Variants in ZBTB20 observed in about 807,000 individuals in gnomAD.
ZBTB20 encodes zinc finger and BTB domain containing 20, also known as zinc finger and BTB domain-containing protein 20.
ZBTB20 carries 9 observed loss-of-function variants against 56.9 expected under a neutral mutation model. The observed-to-expected ratio is 0.16, with a 90% confidence interval of 0.10 to 0.28. The LOEUF (loss-of-function observed/expected upper bound fraction) is 0.28, where lower values mean the gene tolerates loss of function less well. ZBTB20 is among the 10% of genes least tolerant of loss of function. ZBTB20 has a pLI of 1.00. For synonymous variants in ZBTB20, 417 were observed against 420.7 expected (o/e 0.99, Z 0.11); for missense variants, 655 against 1,003.0 (o/e 0.65, Z 4.69).
chr3:114,770,473 C>T (rs2069119271), intron 5 of ZBTB20, among the ~76,000 whole-genome samples: 1 of 151,128 alleles, frequency 6.6e-6, no homozygotes, highest in South Asian at 2.1e-4. Context: ...GGAACTTATT[C>T]ATGTAACCAA....
chr3:114,868,031 G>C (rs1394772176), intron 4 of ZBTB20, among the ~76,000 whole-genome samples: 1 of 152,138 alleles, frequency 6.6e-6, no homozygotes, highest in African/African-American at 2.4e-5. Flanking sequence ...AAGAAAATAA[G>C]TAAGCTTTAC....
At chr3:114,669,288 G>T (rs2061231275) in intron 6 of ZBTB20, among the ~76,000 whole-genome samples, 1 of 152,002 alleles carries the variant, frequency 6.6e-6, no homozygotes, top group Admixed American at 6.6e-5. Context: ...TAACATCTGA[G>T]AGCCACTGGC....
intron 6 of ZBTB20, chr3:114,502,661 A>G (rs1307641474): frequency 1.3e-5 from 2 of 152,180 alleles, no homozygotes; most frequent in African/African-American, 2.4e-5. Context: ...AAGATTTTAA[A>G]GCTCTAAGTT....
At chr3:114,525,919 C>T (rs973043819) in intron 6 of ZBTB20, among the ~76,000 whole-genome samples, 4 of 152,226 alleles carry the variant, frequency 2.6e-5, no homozygotes, top group African/African-American at 9.6e-5. Context: ...GAATTCTACA[C>T]TCTTGCACTG....
At chr3:114,908,792 T>A (rs2075413319) in intron 3 of ZBTB20, among the ~76,000 whole-genome samples, 1 of 151,928 alleles carries the variant, frequency 6.6e-6, no homozygotes, top group African/African-American at 2.4e-5. Flanking sequence ...AATAAAATTG[T>A]CATTAAAATT....
chr3:114,757,719 A>AT (rs2068108527), intron 5 of ZBTB20, among the ~76,000 whole-genome samples: 1 of 152,228 alleles, frequency 6.6e-6, no homozygotes, highest in Non-Finnish European at 1.5e-5. Flanking sequence ...GACAAATTAC[A>AT]TTTTTTAATA....
chr3:115,121,803 T>C (rs909378858), intron 1 of ZBTB20, among the ~76,000 whole-genome samples: 82 of 152,134 alleles, frequency 5.4e-4, no homozygotes, highest in African/African-American at 2.0e-3. Flanking sequence ...GAAGAAAAGT[T>C]TGCACTATTC....
intron 5 of ZBTB20, among the ~76,000 whole-genome samples, chr3:114,772,892 T>G (rs2108747613): frequency 6.6e-6 from 1 of 151,978 alleles, no homozygotes; most frequent in East Asian, 1.9e-4. Flanking sequence ...ACAGGGAGAG[T>G]ATCCTAGATT....
At position 114,316,300 on chromosome 3, in the gene ZBTB20, A is replaced by C; in HGVS notation, c.*22705T>G. On this transcript the variant is annotated 3_prime_UTR_variant, in exon 12 of 12. Coordinates refer to ENST00000675478, the MANE Select transcript of ZBTB20 (RefSeq NM_001348800.3). ...TCCTTGTTACAATCCATTCTTTATG[A>C]ACATACAGAAATGACCAAAGTCACT... The C allele has an allele frequency of 2.7e-6, 1 of 370,272 alleles. No individual in the cohort carries two copies. Among genetic ancestry groups the C allele is most frequent in the Non-Finnish European group, 5.1e-6 (1 of 196,026 alleles). 22.9% of individuals were successfully genotyped at this position (370,272 alleles called of 1,614,324 possible).
intron 3 of ZBTB20, among the ~76,000 whole-genome samples, chr3:114,934,798 T>G (rs971822331): frequency 1.3e-5 from 2 of 152,218 alleles, no homozygotes; most frequent in African/African-American, 4.8e-5. Context: ...TATAATGTTA[T>G]GACAAAATAG....
intron 7 of ZBTB20, among the ~76,000 whole-genome samples, chr3:114,405,705 A>G (rs964042885): frequency 1.3e-5 from 2 of 152,130 alleles, no homozygotes; most frequent in Non-Finnish European, 2.9e-5. Context: ...GGGCTCTGGC[A>G]TATCTCACCA....
intron 5 of ZBTB20, among the ~76,000 whole-genome samples, chr3:114,732,456 C>T (rs937295170): frequency 6.6e-5 from 10 of 152,138 alleles, no homozygotes; most frequent in Non-Finnish European, 1.2e-4. Context: ...GTCCTAGAGT[C>T]CCTGACTGTG....
rs532009299 is a variant in ZBTB20 at position 114,395,170 on chromosome 3, G to A, written c.-254-6065C>T. Among the ~76,000 whole-genome samples the A allele has an allele frequency of 1.5e-3, 228 of 152,164 alleles. 1 individual carries two copies. The Middle Eastern group carries it at 0.027, about 18-fold the overall frequency. ...AATGTAGTGGTGAGTTAGTGGGGAC[G>A]GGTTACTAATTGGCAAAGGCCCACT... On this transcript the variant is annotated intron_variant, in intron 7 of 11. Coordinates refer to ENST00000675478, the MANE Select transcript of ZBTB20 (RefSeq NM_001348800.3).
At chr3:114,556,913 T>C (rs1049408011) in intron 6 of ZBTB20, among the ~76,000 whole-genome samples, 4 of 151,990 alleles carry the variant, frequency 2.6e-5, no homozygotes, top group African/African-American at 4.8e-5. Flanking sequence ...ATAAAAAAGA[T>C]CAGATTGTGA....
chr3:114,491,070 C>A (rs1235522931), intron 7 of ZBTB20, among the ~76,000 whole-genome samples: 1 of 152,138 alleles, frequency 6.6e-6, no homozygotes, highest in Admixed American at 6.5e-5. Context: ...TTTTCTGTAC[C>A]AAACACAGTG....
At chr3:114,530,237 T>C (rs980294766) in intron 6 of ZBTB20, among the ~76,000 whole-genome samples, 1 of 152,220 alleles carries the variant, frequency 6.6e-6, no homozygotes, top group Non-Finnish European at 1.5e-5. Flanking sequence ...GATCCATTCA[T>C]TGTAAGTGCC....
intron 6 of ZBTB20, among the ~76,000 whole-genome samples, chr3:114,531,166 C>T (rs2047801112): frequency 2.0e-5 from 3 of 152,196 alleles, no homozygotes; most frequent in Admixed American, 2.0e-4. Flanking sequence ...AAGTCCCAAA[C>T]CAAAAGCACT....
intron 3 of ZBTB20, among the ~76,000 whole-genome samples, chr3:114,922,099 C>T (rs980385178): frequency 2.6e-5 from 4 of 152,056 alleles, no homozygotes; most frequent in African/African-American, 7.2e-5. Context: ...TGAAGGATAA[C>T]AGTGCGGGAA....
intron 4 of ZBTB20, among the ~76,000 whole-genome samples, chr3:114,835,338 C>T (rs1329739005): frequency 2.0e-5 from 3 of 151,452 alleles, no homozygotes; most frequent in Non-Finnish European, 4.4e-5. Flanking sequence ...TTTTTTTTGT[C>T]ATAAAGTATT....
Sources: allele counts gnomAD v4.1 joint callset (sites outside exome capture counted in the v4.1 genomes callset), GRCh38; gene constraint gnomAD v4.1.1; transcripts MANE v1.5; gene names NCBI Gene and HGNC (gene_info 2026-07-23, HGNC 2026-07-21).